EVL: variants seen among roughly 807,000 people sequenced by gnomAD.
EVL encodes the protein ena/VASP-like protein.
EVL carries 21 observed loss-of-function variants against 59.6 expected under a neutral mutation model. The ratio of observed to expected loss-of-function variants is 0.35; its 90% CI spans 0.25 to 0.51. The LOEUF is 0.51. Among genes scored for constraint, EVL ranks in the 20% least tolerant of loss-of-function variants. The pLI, the probability that EVL is intolerant of heterozygous loss-of-function variation, is 0.97. For synonymous variants in EVL, 198 were observed against 203.5 expected, an observed-to-expected ratio of 0.97 and a Z score of 0.23; for missense variants, 462 against 546.6, an observed-to-expected ratio of 0.85 and a Z score of 1.54.
intron 3 of EVL, among the ~76,000 whole-genome samples, chr14:100,112,166 A>G (rs966031115): frequency 6.6e-6 from 1 of 152,196 alleles, no homozygotes; most frequent in African/African-American, 2.4e-5. Flanking sequence ...AGCCAGCTCA[A>G]ATATTTTGGT....
chr14:100,098,008 T>G (rs975321480), intron 3 of EVL, among the ~76,000 whole-genome samples: 3 of 152,196 alleles, frequency 2.0e-5, no homozygotes, highest in African/African-American at 7.2e-5. Flanking sequence ...ATTTTTGAAT[T>G]TAATTATTCA....
intron 1 of EVL, among the ~76,000 whole-genome samples, chr14:100,076,755 G>T (rs1449316985): frequency 1.3e-5 from 2 of 152,148 alleles, no homozygotes; most frequent in African/African-American, 4.8e-5. Flanking sequence ...AGTGTTAGGG[G>T]CCTGTGTGCA....
At chr14:100,022,885 A>G (rs1420129804) in intron 1 of EVL, among the ~76,000 whole-genome samples, 2 of 152,170 alleles carry the variant, frequency 1.3e-5, no homozygotes, top group African/African-American at 4.8e-5. Context: ...GGAAAAGCTG[A>G]TAACTGATCT....
intron 1 of EVL, among the ~76,000 whole-genome samples, chr14:100,003,644 T>G (rs2060960123): frequency 6.6e-6 from 1 of 152,170 alleles, no homozygotes; most frequent in African/African-American, 2.4e-5. Context: ...CTCAAACTCC[T>G]GACCTTGGGT....
intron 2 of EVL, among the ~76,000 whole-genome samples, chr14:100,094,737 C>T (rs1379357887): frequency 6.7e-6 from 1 of 148,382 alleles, no homozygotes; most frequent in Non-Finnish European, 1.5e-5. Flanking sequence ...GAGCAAGACT[C>T]CATCTTAAAA....
At chr14:100,125,150 A>ACACACACACAC (rs1555361572) in intron 4 of EVL, among the ~76,000 whole-genome samples, 2 of 128,286 alleles carry the variant, frequency 1.6e-5, no homozygotes, top group African/African-American at 7.2e-5. Flanking sequence ...ACACACACAC[A>ACACACACACAC]CCTGCCCCAA....
Position 100,097,618 on chromosome 14 carries a change from A to G in EVL, c.318A>G (p.Ala106=), listed in dbSNP as rs1885908382. 2 of 1,614,014 alleles carry G rather than the reference A, an allele frequency of 1.2e-6. No individual in the cohort carries two copies. Among genetic ancestry groups the G allele is most frequent in the Non-Finnish European group, 1.7e-6 (2 of 1,179,940 alleles). Residue 106 remains alanine, a synonymous_variant, in exon 3 of 14, where the codon GCA becomes GCG. Transcript: ENST00000392920. ...SKEEATTFSN[A]MLFALNIMNS... is the part of the protein sequence containing the mutation. ...AAGAGGCAACCACGTTCTCCAATGC[A>G]ATGCTGTTTGCCCTGAACATCATGA...
chr14:100,081,586 TAGTGGCAAGCAC>T (rs1047170886), intron 1 of EVL, among the ~76,000 whole-genome samples: 2 of 151,492 alleles, frequency 1.3e-5, no homozygotes, highest in Admixed American at 6.6e-5. Context: ...TTCAGGCATC[TAGTGGCAAGCAC>T]AGTGCTTTAT....
intron 2 of EVL, among the ~76,000 whole-genome samples, chr14:100,088,349 C>T (rs2062491153): frequency 6.6e-6 from 1 of 152,118 alleles, no homozygotes; most frequent in Admixed American, 6.5e-5. Context: ...TACCCAGAGG[C>T]CCCCAAAACA....
At chr14:99,993,894 A>G (rs528731813) in intron 1 of EVL, among the ~76,000 whole-genome samples, 73 of 151,174 alleles carry the variant, frequency 4.8e-4, no homozygotes, top group African/African-American at 1.7e-3. Flanking sequence ...GAGTTTCACC[A>G]TGTTGGCCAG....
intron 3 of EVL, among the ~76,000 whole-genome samples, chr14:100,112,838 T>C (rs1411963697): frequency 6.6e-6 from 1 of 152,222 alleles, no homozygotes; most frequent in Non-Finnish European, 1.5e-5. Context: ...CCTCTCTAGA[T>C]TGTAAGTTCC....
chr14:100,135,106 C>T (rs1888690360), intron 8 of EVL: 1 of 152,200 alleles, frequency 6.6e-6, no homozygotes, highest in Non-Finnish European at 1.5e-5. Flanking sequence ...ATGAGGAGGC[C>T]TGAGAACCTC....
At chr14:100,123,414 A>G (rs965021105) in intron 3 of EVL, 125 bp from the exon 4 acceptor site, 2 of 899,690 alleles carry the variant, frequency 2.2e-6, no homozygotes, top group Non-Finnish European at 3.5e-6. Context: ...GCCAACATTT[A>G]AAAAGATTCT....
chr14:100,137,724 C>G lies in EVL; in HGVS notation c.1032-16C>G. On this transcript the variant is annotated splice_polypyrimidine_tract_variant and intron_variant, in intron 10 of 13. Transcript: ENST00000392920. ...CTGGCGCCGATTCACATGTCTGTTTCATTCCATTGCCGTAGAACCCCGTCT... is the reference window on the plus strand; with the variant it reads ...CTGGCGCCGATTCACATGTCTGTTTGATTCCATTGCCGTAGAACCCCGTCT... 6 of 1,614,088 alleles carry G rather than the reference C, an allele frequency of 3.7e-6. No homozygotes were observed. The highest frequency in any genetic ancestry group is 5.1e-6 in the Non-Finnish European group (6 of 1,180,004).
intron 13 of EVL, among the ~76,000 whole-genome samples, chr14:100,143,227 C>T (rs1889300879): frequency 1.3e-5 from 2 of 152,076 alleles, no homozygotes; most frequent in African/African-American, 2.4e-5. Context: ...AGGGCAGTCC[C>T]TGGGGTCCAG....
chr14:100,043,487 A>G (rs932130458), intron 1 of EVL, among the ~76,000 whole-genome samples: 12 of 149,722 alleles, frequency 8.0e-5, no homozygotes, highest in African/African-American at 2.7e-4. Flanking sequence ...GGGTGGGGTG[A>G]GGTGCTCAGG....
chr14:100,124,921 G>T (rs1270924402), intron 4 of EVL, among the ~76,000 whole-genome samples: 2 of 152,054 alleles, frequency 1.3e-5, no homozygotes, highest in Non-Finnish European at 2.9e-5. Context: ...TCCCAAGGCA[G>T]GACCACACAC....
chr14:100,105,698 A>G (rs1886518096), intron 3 of EVL, among the ~76,000 whole-genome samples: 1 of 151,900 alleles, frequency 6.6e-6, no homozygotes, highest in African/African-American at 2.4e-5. Context: ...TATCCGTGGC[A>G]TGTCTGTCTC....
intron 1 of EVL, among the ~76,000 whole-genome samples, chr14:100,007,650 C>CA (rs1271489345): frequency 2.0e-5 from 3 of 152,240 alleles, no homozygotes; most frequent in African/African-American, 7.2e-5. Flanking sequence ...GCCAAAGACT[C>CA]AAAGTGTGTC....
Sources: gnomAD v4.1 joint callset for allele counts (sites outside exome capture counted in the v4.1 genomes callset) on GRCh38, gnomAD v4.1.1 for gene constraint, MANE v1.5 for transcripts, NCBI Gene and HGNC (gene_info 2026-07-23, HGNC 2026-07-21) for gene names.